Variants in TRPS1 observed in about 807,000 individuals in gnomAD.
The protein encoded by TRPS1 is transcriptional repressor GATA binding 1.
TRPS1 carries 6 observed loss-of-function variants against 101.2 expected under a neutral mutation model. The ratio of observed to expected loss-of-function variants is 0.06; its 90% CI spans 0.03 to 0.12. TRPS1 has a LOEUF of 0.12. TRPS1 is among the 10% of genes least tolerant of loss of function. The pLI is 1.00. For synonymous variants in TRPS1, 578 were observed against 589.8 expected (o/e 0.98, Z 0.29); for missense variants, 1,363 against 1,567.0 (o/e 0.87, Z 2.20).
chr8:115,482,737 A>T (rs868148685), intron 5 of TRPS1, among the ~76,000 whole-genome samples: 2 of 152,214 alleles, frequency 1.3e-5, no homozygotes, highest in African/African-American at 2.4e-5. Flanking sequence ...AAATAGCTTC[A>T]GTTGACCATC....
rs75127237 is a variant in TRPS1, at chr8:115,571,308, A to C, written c.2700+15693T>G. ...AAATTCTGTGATCATCACACAACGA[A>C]GTGTGGCTGATTTTTTAAAAGACAT... On this transcript the variant is annotated intron_variant, in intron 5 of 6. Coordinates refer to ENST00000395715, the MANE Select transcript of TRPS1 (RefSeq NM_014112.5). 4.8e-4 allele frequency among the ~76,000 whole-genome samples: 73 copies of C among 152,338 alleles called. 1 individual carries two copies. The East Asian group carries it at 0.012, about 24-fold the overall frequency.
chr8:115,667,327 A>G (rs750094769), intron 1 of TRPS1, among the ~76,000 whole-genome samples: 12 of 152,180 alleles, frequency 7.9e-5, no homozygotes, highest in Non-Finnish European at 1.8e-4. Context: ...TTTACACTTC[A>G]AACAGCTCCC....
chr8:115,463,471 GAATTCAT>G (rs1814240611), intron 5 of TRPS1, among the ~76,000 whole-genome samples: 2 of 152,142 alleles, frequency 1.3e-5, no homozygotes, highest in South Asian at 4.1e-4. Context: ...AACAATGACA[GAATTCAT>G]GTAAATATAC....
chr8:115,487,884 G>A (rs1332150278), intron 5 of TRPS1, among the ~76,000 whole-genome samples: 3 of 152,208 alleles, frequency 2.0e-5, no homozygotes, highest in East Asian at 1.9e-4. Context: ...TTACATCAAC[G>A]TAGTTGACAA....
chr8:115,578,969 T>G (rs1405889847), intron 5 of TRPS1, among the ~76,000 whole-genome samples: 1 of 152,080 alleles, frequency 6.6e-6, no homozygotes, highest in African/African-American at 2.4e-5. Context: ...GGCTATGCAA[T>G]GGTTATGAGC....
In TRPS1 at chr8:115,412,974, G is replaced by A. The variant is rs1312532535; in HGVS notation, c.*1049C>T. The A allele has an allele frequency of 2.0e-5, 3 of 152,474 alleles. No homozygotes were observed. The highest frequency in any genetic ancestry group is 4.8e-5 in the African/African-American group (2 of 41,418). The allele number at this position is 152,474 out of a possible 1,614,324, so 9.4% of individuals were successfully genotyped here. A position where few individuals can be genotyped will look rare whatever the true frequency, so the allele number is the denominator to read the frequency against. On this transcript the variant is annotated 3_prime_UTR_variant, in exon 7 of 7. Transcript: ENST00000395715. ...AGTCTGTGGTAACGTAACCTTAGAC[G>A]CTGCCTGACCACAAAGTTTGGAAAT...
chr8:115,596,446 C>A (rs1358673989), intron 4 of TRPS1, among the ~76,000 whole-genome samples: 1 of 151,822 alleles, frequency 6.6e-6, no homozygotes, highest in Admixed American at 6.6e-5. Context: ...TAAACACACA[C>A]ATATTCATTT....
At chr8:115,443,219 G>T (rs1474585339) in intron 5 of TRPS1, among the ~76,000 whole-genome samples, 1 of 152,156 alleles carries the variant, frequency 6.6e-6, no homozygotes, top group Non-Finnish European at 1.5e-5. Context: ...GCAGTGAGCT[G>T]ACATCATGCC....
chr8:115,613,462 A>G (rs1818214393), intron 3 of TRPS1, among the ~76,000 whole-genome samples: 1 of 152,264 alleles, frequency 6.6e-6, no homozygotes, highest in South Asian at 2.1e-4. Context: ...CTCCTCCCTT[A>G]CATGCAATTG....
intron 5 of TRPS1, among the ~76,000 whole-genome samples, chr8:115,462,535 A>G (rs373987192): frequency 2.0e-5 from 3 of 152,148 alleles, no homozygotes; most frequent in East Asian, 3.8e-4. Context: ...CATCCGACAC[A>G]TGAGTGCAGG....
At chr8:115,649,135 C>T (rs1221967821) in intron 1 of TRPS1, among the ~76,000 whole-genome samples, 1 of 152,072 alleles carries the variant, frequency 6.6e-6, no homozygotes, top group Non-Finnish European at 1.5e-5. Flanking sequence ...GAAAGAATAC[C>T]GGTTGTATGT....
At chr8:115,583,332 T>C (rs1422895923) in intron 5 of TRPS1, among the ~76,000 whole-genome samples, 2 of 151,824 alleles carry the variant, frequency 1.3e-5, no homozygotes, top group Non-Finnish European at 2.9e-5. Context: ...ACTATACTAC[T>C]TAGTTTAAAA....
At position 115,586,715 on chromosome 8, in the gene TRPS1, C is replaced by T. The variant is rs183138665; in HGVS notation, c.2700+286G>A. ...CTAAACCTCCCTTCTCCAAATATGG[C>T]CTTGTTGTTTTGTATAGTCACCAGG... On this transcript the variant is annotated intron_variant, in intron 5 of 6. Coordinates refer to ENST00000395715, the MANE Select transcript of TRPS1 (RefSeq NM_014112.5). Among the ~76,000 whole-genome samples, 584 of 152,292 alleles carry T rather than the reference C, an allele frequency of 3.8e-3. 15 individuals are homozygous for T. The highest frequency in any genetic ancestry group is 0.034 in the Admixed American group (522 of 15,296).
chr8:115,475,085 C>T (rs1814566503), intron 5 of TRPS1, among the ~76,000 whole-genome samples: 1 of 151,604 alleles, frequency 6.6e-6, no homozygotes, highest in Non-Finnish European at 1.5e-5. Flanking sequence ...AGTGAAAAAC[C>T]AGGTTCATAA....
At position 115,541,477 on chromosome 8, in the gene TRPS1, AC is replaced by A. The variant is rs1563588606; in HGVS notation, c.2700+45523del. ...AGAACACTTTCACCTTTAAAAAGTA[AC>A]CTCTCTTTGTAGACATACTTCCAAA... On this transcript the variant is annotated intron_variant, in intron 5 of 6. Transcript: ENST00000395715. Among the ~76,000 whole-genome samples, 3 of 152,270 alleles carry A rather than the reference AC, an allele frequency of 2.0e-5. No individual in the cohort carries two copies. The South Asian group carries it at 6.2e-4, about 32-fold the overall frequency.
At chr8:115,657,434 C>A (rs536723672) in intron 1 of TRPS1, among the ~76,000 whole-genome samples, 2 of 152,076 alleles carry the variant, frequency 1.3e-5, no homozygotes, top group Non-Finnish European at 2.9e-5. Context: ...CTCATAAATA[C>A]GTTAAGAAGC....
At chr8:115,549,863 T>G (rs1043089079) in intron 5 of TRPS1, among the ~76,000 whole-genome samples, 1 of 152,092 alleles carries the variant, frequency 6.6e-6, no homozygotes, top group Non-Finnish European at 1.5e-5. Flanking sequence ...TAACCCTGGA[T>G]AGGTAACAAA....
chr8:115,504,956 A>G (rs1815405668), intron 5 of TRPS1, among the ~76,000 whole-genome samples: 1 of 152,126 alleles, frequency 6.6e-6, no homozygotes. Context: ...TTTGGCTGGC[A>G]TTTTTATAAG....
At position 115,619,922 on chromosome 8, in the gene TRPS1, G is replaced by GT; in HGVS notation, c.175dup (p.Thr59AsnfsTer5). ...TAGTTCTGCAGCATCACTCTGATCC[G>GT]TATTTTCTGACATCTGATCTGCAGA... On this transcript the variant is annotated frameshift_variant, in exon 3 of 7. Transcript: ENST00000395715. LOFTEE classifies it high-confidence loss of function. 6.2e-7 allele frequency: 1 copy of GT among 1,614,086 alleles called. No homozygotes were observed. Among genetic ancestry groups the GT allele is most frequent in the Non-Finnish European group, 8.5e-7 (1 of 1,180,014 alleles).
Sources: gnomAD v4.1 joint callset for allele counts (sites outside exome capture counted in the v4.1 genomes callset) on GRCh38, gnomAD v4.1.1 for gene constraint, MANE v1.5 for transcripts, NCBI Gene and HGNC (gene_info 2026-07-23, HGNC 2026-07-21) for gene names.